The following RBFOX1 variants were observed in gnomAD, a reference collection of about 807,000 sequenced individuals.
The protein encoded by RBFOX1 is RNA binding protein fox-1 homolog 1.
Under a neutral mutation model 57.7 loss-of-function variants are expected in RBFOX1, and 8 were observed. The observed-to-expected ratio is 0.14, with a 90% CI of 0.08 to 0.25. The LOEUF is 0.25. Among genes scored for constraint, RBFOX1 ranks in the 10% least tolerant of loss-of-function variants. The pLI, the probability that RBFOX1 is intolerant of heterozygous loss-of-function variation, is 1.00. For synonymous variants in RBFOX1, 326 were observed against 222.4 expected, an observed-to-expected ratio of 1.47 and a Z score of -4.15; for missense variants, 611 against 548.5, an observed-to-expected ratio of 1.11 and a Z score of -1.14.
At position 6,946,880 on chromosome 16, in the gene RBFOX1, A is replaced by T. The variant is rs185071321; in HGVS notation, c.-15-105177A>T. 4.9e-3 allele frequency among the ~76,000 whole-genome samples: 752 copies of T among 152,148 alleles called. 1 individual carries two copies. Among genetic ancestry groups the T allele is most frequent in the Non-Finnish European group, 7.6e-3 (516 of 67,992 alleles). ...TGCCTTGGCCTCCCCAAGTGCTGGG[A>T]TTATAGGTATGAGTCACCACATCCA... On this transcript the variant is annotated intron_variant, in intron 3 of 15. Coordinates refer to ENST00000550418, the MANE Select transcript of RBFOX1 (RefSeq NM_018723.4).
intron 3 of RBFOX1, among the ~76,000 whole-genome samples, chr16:6,843,675 C>G (rs138899317): frequency 6.6e-6 from 1 of 152,046 alleles, no homozygotes; most frequent in Non-Finnish European, 1.5e-5. Flanking sequence ...GGTGACAGAG[C>G]GAGACTCCAT....
chr16:5,642,995 C>T (rs186310686), intron 3 of RBFOX1, among the ~76,000 whole-genome samples: 10 of 152,314 alleles, frequency 6.6e-5, no homozygotes, highest in South Asian at 2.1e-4. Context: ...CTCCTGAGCA[C>T]GACTTCCTGG....
At chr16:6,614,023 C>T (rs2098109187) in intron 2 of RBFOX1, among the ~76,000 whole-genome samples, 1 of 152,178 alleles carries the variant, frequency 6.6e-6, no homozygotes, top group Non-Finnish European at 1.5e-5. Flanking sequence ...CAGAGTTTTT[C>T]TTTTGTAAGT....
At chr16:6,533,462 C>T (rs868669175) in intron 2 of RBFOX1, among the ~76,000 whole-genome samples, 6 of 151,368 alleles carry the variant, frequency 4.0e-5, no homozygotes, top group Middle Eastern at 3.4e-3. Flanking sequence ...TAGTCCTGAA[C>T]ACAGAGCAGT....
chr16:7,026,952 T>C (rs952556471), intron 3 of RBFOX1, among the ~76,000 whole-genome samples: 4 of 152,166 alleles, frequency 2.6e-5, no homozygotes, highest in African/African-American at 7.2e-5. Context: ...TGCAAAGTGC[T>C]TGGGTGCTTT....
chr16:7,709,442 C>T (rs1007485107), intron 15 of RBFOX1: 11 of 1,370,396 alleles, frequency 8.0e-6, no homozygotes, highest in South Asian at 1.5e-5. Flanking sequence ...AGTGTCAATG[C>T]AGAACTTTTT....
At chr16:5,452,017 A>G (rs561269670) in intron 1 of RBFOX1, among the ~76,000 whole-genome samples, 2 of 148,830 alleles carry the variant, frequency 1.3e-5, no homozygotes, top group African/African-American at 5.0e-5. Context: ...CCCCAAACCC[A>G]TTGCCTCTTC....
chr16:5,981,608 A>G (rs982600504), intron 4 of RBFOX1, among the ~76,000 whole-genome samples: 1 of 152,076 alleles, frequency 6.6e-6, no homozygotes, highest in Non-Finnish European at 1.5e-5. Flanking sequence ...AGCTGGGATT[A>G]TAGGTGCCCA....
intron 3 of RBFOX1, among the ~76,000 whole-genome samples, chr16:5,698,983 A>ATTT (rs3036442): frequency 2.0e-4 from 22 of 109,966 alleles, no homozygotes; most frequent in African/African-American, 7.7e-4. Flanking sequence ...ACCTGGTTGG[A>ATTT]TTTTTTTTTT....
intron 1 of RBFOX1, among the ~76,000 whole-genome samples, chr16:5,360,823 C>T (rs533294164): frequency 6.6e-6 from 1 of 152,160 alleles, no homozygotes; most frequent in African/African-American, 2.4e-5. Context: ...CCATCTTTGC[C>T]TCTTTCCTGC....
intron 2 of RBFOX1, among the ~76,000 whole-genome samples, chr16:6,615,895 G>C (rs1480522619): frequency 1.3e-5 from 2 of 152,158 alleles, no homozygotes; most frequent in Non-Finnish European, 2.9e-5. Context: ...CATGTGATAC[G>C]CATCTCCCCA....
intron 1 of RBFOX1, among the ~76,000 whole-genome samples, chr16:5,249,949 A>G (rs57399865): frequency 0.16 from 21,628 of 139,050 alleles, 1,806 homozygotes; most frequent in East Asian, 0.32. Flanking sequence ...GGAGGAGGTT[A>G]CAGTGAGGAG....
intron 3 of RBFOX1, among the ~76,000 whole-genome samples, chr16:6,966,806 T>C (rs1390418850): frequency 6.6e-6 from 1 of 151,192 alleles, no homozygotes; most frequent in East Asian, 1.9e-4. Flanking sequence ...TGTCTGTCTG[T>C]CTGTCTGTCT....
chr16:6,711,507 G>C (rs1046434821), intron 3 of RBFOX1, among the ~76,000 whole-genome samples: 1 of 152,178 alleles, frequency 6.6e-6, no homozygotes, highest in African/African-American at 2.4e-5. Context: ...TCTTGTGGTA[G>C]AGAGTGAGTT....
intron 1 of RBFOX1, among the ~76,000 whole-genome samples, chr16:5,407,591 C>A (rs2066901526): frequency 6.6e-6 from 1 of 152,020 alleles, no homozygotes. Flanking sequence ...CTCTGTCACC[C>A]AGGCTGGAGT....
chr16:5,295,433 G>C (rs2063642575), intron 1 of RBFOX1, among the ~76,000 whole-genome samples: 1 of 152,242 alleles, frequency 6.6e-6, no homozygotes, highest in African/African-American at 2.4e-5. Flanking sequence ...CAGGAATCTA[G>C]GCGTGACTCA....
chr16:6,815,450 C>G (rs182819209), intron 3 of RBFOX1, among the ~76,000 whole-genome samples: 2 of 152,246 alleles, frequency 1.3e-5, no homozygotes, highest in East Asian at 3.9e-4. Flanking sequence ...GTTCAAACAC[C>G]TCTGACATTC....
chr16:5,928,367 G>C (rs776410765), intron 4 of RBFOX1, among the ~76,000 whole-genome samples: 11 of 150,900 alleles, frequency 7.3e-5, no homozygotes, highest in Non-Finnish European at 1.6e-4. Flanking sequence ...ATAGGCAGGA[G>C]CCACCACACC....
chr16:6,906,103 T>C (rs900052186), intron 3 of RBFOX1, among the ~76,000 whole-genome samples: 2 of 138,984 alleles, frequency 1.4e-5, no homozygotes, highest in Non-Finnish European at 3.1e-5. Context: ...CTTTGCTTTA[T>C]CATTAAAAAA....
Sources: gnomAD v4.1 joint callset for allele counts (sites outside exome capture counted in the v4.1 genomes callset) on GRCh38, gnomAD v4.1.1 for gene constraint, MANE v1.5 for transcripts, NCBI Gene and HGNC (gene_info 2026-07-23, HGNC 2026-07-21) for gene names.